ATP8B4: variants seen among roughly 807,000 people sequenced by gnomAD.
ATP8B4 encodes the protein ATPase phospholipid transporting 8B4 (putative).
ATP8B4 carries 133 observed loss-of-function variants against 145.6 expected under a neutral mutation model. The observed-to-expected ratio is 0.91, with a 90% confidence interval of 0.79 to 1.05. The LOEUF (loss-of-function observed/expected upper bound fraction) is 1.05, where lower values mean the gene tolerates loss of function less well. Ranked by LOEUF, ATP8B4 falls within the 50% of genes least tolerant of loss-of-function variation. The probability of loss-of-function intolerance (pLI) is 0.00; values close to 1 mark genes in which losing one functional copy is unlikely to be tolerated. For synonymous variants in ATP8B4, 507 were observed against 492.9 expected (o/e 1.03, Z -0.38); for missense variants, 1,458 against 1,425.2 (o/e 1.02, Z -0.37).
At chr15:49,903,417 T>G (rs1037872638) in intron 20 of ATP8B4, among the ~76,000 whole-genome samples, 1 of 152,238 alleles carries the variant, frequency 6.6e-6, no homozygotes, top group Non-Finnish European at 1.5e-5. Flanking sequence ...ATTCTTGGCA[T>G]GCAGAATCGC....
chr15:50,023,960 C>T (rs574935179), intron 6 of ATP8B4, among the ~76,000 whole-genome samples: 1 of 151,976 alleles, frequency 6.6e-6, no homozygotes. Flanking sequence ...ATTAAGGAAG[C>T]CATGTACCTT....
intron 13 of ATP8B4, among the ~76,000 whole-genome samples, chr15:49,970,082 T>G (rs2044956258): frequency 6.6e-6 from 1 of 152,144 alleles, no homozygotes; most frequent in South Asian, 2.1e-4. Flanking sequence ...CCCTTCATGC[T>G]AAAAACTCTC....
intron 14 of ATP8B4, among the ~76,000 whole-genome samples, chr15:49,934,421 G>A (rs2041557404): frequency 6.6e-6 from 1 of 151,834 alleles, no homozygotes; most frequent in Admixed American, 6.6e-5. Flanking sequence ...AAACTATATG[G>A]GATGGCTGTA....
chr15:49,930,586 C>G (rs1024450566), intron 16 of ATP8B4, among the ~76,000 whole-genome samples: 3 of 152,032 alleles, frequency 2.0e-5, no homozygotes, highest in Non-Finnish European at 2.9e-5. Flanking sequence ...ATGTTCACAA[C>G]AACTGTCATG....
At chr15:49,897,558 A>C in intron 22 of ATP8B4, 43 bp from the exon 23 acceptor site, 1 of 1,415,320 alleles carries the variant, frequency 7.1e-7, no homozygotes, top group Non-Finnish European at 9.3e-7. Flanking sequence ...AAACAAAGCC[A>C]CGATCTCTTT....
At chr15:49,952,295 G>T (rs1165832722) in intron 14 of ATP8B4, among the ~76,000 whole-genome samples, 1 of 152,108 alleles carries the variant, frequency 6.6e-6, no homozygotes, top group East Asian at 1.9e-4. Context: ...TTTCTTTTCA[G>T]ATTGTTTCCA....
At chr15:50,033,673 T>C (rs1183111680) in intron 6 of ATP8B4, among the ~76,000 whole-genome samples, 2 of 152,196 alleles carry the variant, frequency 1.3e-5, no homozygotes, top group Admixed American at 1.3e-4. Flanking sequence ...GTAGTGGGCA[T>C]AGTACTCAAT....
At chr15:50,157,241 C>T (rs1055636106) in intron 1 of ATP8B4, among the ~76,000 whole-genome samples, 2 of 152,064 alleles carry the variant, frequency 1.3e-5, no homozygotes, top group African/African-American at 4.8e-5. Flanking sequence ...TATATAAGGT[C>T]CTTTATATAG....
chr15:49,990,524 A>G (rs970531497), intron 9 of ATP8B4, among the ~76,000 whole-genome samples: 3 of 152,146 alleles, frequency 2.0e-5, no homozygotes, highest in Admixed American at 6.5e-5. Flanking sequence ...TATCCATTTG[A>G]CAATCACACA....
intron 10 of ATP8B4, among the ~76,000 whole-genome samples, chr15:49,986,595 G>T (rs1442669066): frequency 1.3e-5 from 2 of 152,174 alleles, no homozygotes; most frequent in Non-Finnish European, 2.9e-5. Flanking sequence ...ACACTTTGTT[G>T]TTGTTGAGGA....
chr15:50,114,946 G>A (rs936139368), intron 1 of ATP8B4, among the ~76,000 whole-genome samples: 2 of 152,174 alleles, frequency 1.3e-5, no homozygotes, highest in Admixed American at 1.3e-4. Context: ...CATGGGCTGG[G>A]CATGAGGGAG....
intron 14 of ATP8B4, among the ~76,000 whole-genome samples, chr15:49,935,375 T>C (rs2041649028): frequency 1.3e-5 from 2 of 152,070 alleles, no homozygotes; most frequent in African/African-American, 4.8e-5. Context: ...CAGCCAGGAC[T>C]CAAACTTAGC....
At chr15:49,955,045 G>A (rs917112870) in intron 14 of ATP8B4, among the ~76,000 whole-genome samples, 52 of 152,228 alleles carry the variant, frequency 3.4e-4, no homozygotes, top group African/African-American at 1.2e-3. Flanking sequence ...TGCAGCTGGA[G>A]GCCATTATCT....
At chr15:50,074,021 A>G (rs1031723103) in intron 3 of ATP8B4, 106 bp downstream of exon 3, 9 of 884,334 alleles carry the variant, frequency 1.0e-5, no homozygotes, top group Admixed American at 7.7e-5. Flanking sequence ...AAATGGGCCA[A>G]TGAAGAAAGT....
chr15:50,122,666 C>T (rs2057280808), upstream of ATP8B4, among the ~76,000 whole-genome samples: 1 of 152,088 alleles, frequency 6.6e-6, no homozygotes, highest in South Asian at 2.1e-4. Context: ...TGGGAATATG[C>T]ACTAAATAAT....
intron 26 of ATP8B4, among the ~76,000 whole-genome samples, chr15:49,864,151 T>C (rs543407575): frequency 1.2e-4 from 18 of 152,354 alleles, no homozygotes; most frequent in African/African-American, 4.3e-4. Context: ...GTAAACAACG[T>C]ATTACCAGTA....
intron 9 of ATP8B4, among the ~76,000 whole-genome samples, chr15:49,992,996 G>A (rs893653215): frequency 9.2e-5 from 14 of 152,060 alleles, no homozygotes; most frequent in African/African-American, 3.4e-4. Context: ...ATCACCAGAG[G>A]AAAACCTGAA....
intron 17 of ATP8B4, among the ~76,000 whole-genome samples, chr15:49,923,149 G>A (rs181292402): frequency 6.6e-6 from 1 of 152,212 alleles, no homozygotes; most frequent in Non-Finnish European, 1.5e-5. Flanking sequence ...CTCAGTTGCT[G>A]TGTGTTCCTC....
chr15:50,006,804 G>A (rs954804169), intron 7 of ATP8B4, among the ~76,000 whole-genome samples: 1 of 152,244 alleles, frequency 6.6e-6, no homozygotes, highest in Non-Finnish European at 1.5e-5. Flanking sequence ...TGCCAAGTAA[G>A]GATTTTATTT....
Sources: gnomAD v4.1 joint callset for allele counts (sites outside exome capture counted in the v4.1 genomes callset) on GRCh38, gnomAD v4.1.1 for gene constraint, MANE v1.5 for transcripts, NCBI Gene and HGNC (gene_info 2026-07-23, HGNC 2026-07-21) for gene names.